The following PTPRD variants were observed in gnomAD, a reference collection of about 807,000 sequenced individuals.
PTPRD encodes receptor-type tyrosine-protein phosphatase delta.
PTPRD carries 34 observed loss-of-function variants against 214.5 expected under a neutral mutation model. The observed-to-expected ratio is 0.16, with a 90% confidence interval of 0.12 to 0.21. The LOEUF is 0.21. Ranked by LOEUF, PTPRD falls within the 10% of genes least tolerant of loss-of-function variation. PTPRD has a pLI of 1.00. For missense variants in PTPRD, 2,545 were observed against 2,398.7 expected, an observed-to-expected ratio of 1.06 and a Z score of -1.27; for synonymous variants, 1,128 against 845.7, an observed-to-expected ratio of 1.33 and a Z score of -5.79.
chr9:8,897,254 T>G (rs969715339), intron 11 of PTPRD, among the ~76,000 whole-genome samples: 1 of 152,168 alleles, frequency 6.6e-6, no homozygotes, highest in African/African-American at 2.4e-5. Flanking sequence ...TCAAGGTACA[T>G]GCAGACTGAC....
chr9:9,701,947 C>T (rs945258437), intron 7 of PTPRD, among the ~76,000 whole-genome samples: 3 of 151,942 alleles, frequency 2.0e-5, no homozygotes, highest in African/African-American at 4.8e-5. Context: ...GGTGAAACTC[C>T]GTCTCTACTA....
At chr9:9,499,641 C>T (rs527334765) in intron 8 of PTPRD, among the ~76,000 whole-genome samples, 2 of 152,122 alleles carry the variant, frequency 1.3e-5, no homozygotes, top group South Asian at 2.1e-4. Flanking sequence ...GGCAAACATT[C>T]TGTACACAGC....
intron 2 of PTPRD, among the ~76,000 whole-genome samples, chr9:10,587,747 C>A (rs1313951331): frequency 6.6e-6 from 1 of 152,078 alleles, no homozygotes; most frequent in African/African-American, 2.4e-5. Context: ...TAACAAGGTA[C>A]TCAAGATGCA....
rs145160910 is a variant in PTPRD at position 8,820,457 on chromosome 9, C to T, written c.-103-86511G>A. Among the ~76,000 whole-genome samples the T allele has an allele frequency of 7.4e-4, 113 of 152,086 alleles. 1 individual carries two copies. The highest frequency in any genetic ancestry group is 2.6e-3 in the African/African-American group (107 of 41,516). On this transcript the variant is annotated intron_variant, in intron 11 of 45. Transcript: ENST00000381196. ...ATTTATAATTTTAATAAAGCCTGAT[C>T]ATATTCATTAGTTAATTATAAAATG...
intron 2 of PTPRD, among the ~76,000 whole-genome samples, chr9:10,546,581 C>A (rs1054778561): frequency 6.6e-6 from 1 of 151,654 alleles, no homozygotes; most frequent in African/African-American, 2.4e-5. Context: ...ATTGTATAAA[C>A]AATTGGTACT....
chr9:10,458,982 G>A (rs2131185470), intron 2 of PTPRD, among the ~76,000 whole-genome samples: 1 of 152,152 alleles, frequency 6.6e-6, no homozygotes, highest in African/African-American at 2.4e-5. Context: ...CACGTTCCGT[G>A]GTGGTTTGCT....
At chr9:9,893,256 G>A (rs1208728703) in intron 5 of PTPRD, among the ~76,000 whole-genome samples, 2 of 151,152 alleles carry the variant, frequency 1.3e-5, no homozygotes, top group East Asian at 3.9e-4. Flanking sequence ...ATGAGGACAA[G>A]ATCAAATCTA....
At chr9:9,847,251 C>T (rs534940537) in intron 5 of PTPRD, among the ~76,000 whole-genome samples, 2 of 152,034 alleles carry the variant, frequency 1.3e-5, no homozygotes, top group Non-Finnish European at 2.9e-5. Context: ...AAAGTGATTA[C>T]TTTGTTATTT....
At chr9:9,199,051 G>C (rs1021076236) in intron 9 of PTPRD, among the ~76,000 whole-genome samples, 1 of 152,170 alleles carries the variant, frequency 6.6e-6, no homozygotes, top group Non-Finnish European at 1.5e-5. Flanking sequence ...AGCAGGTCAA[G>C]TGTTATCTAC....
intron 5 of PTPRD, among the ~76,000 whole-genome samples, chr9:9,909,836 C>T (rs1456396142): frequency 6.6e-6 from 1 of 151,194 alleles, no homozygotes; most frequent in South Asian, 2.1e-4. Flanking sequence ...TCTGTTTTTG[C>T]CTATAAGTTC....
At chr9:8,496,619 A>C (rs1171587310) in intron 26 of PTPRD, among the ~76,000 whole-genome samples, 1 of 152,232 alleles carries the variant, frequency 6.6e-6, no homozygotes, top group Non-Finnish European at 1.5e-5. Flanking sequence ...TGTATGGGTA[A>C]AGTGAAGAAC....
chr9:10,233,465 C>T lies in PTPRD; in HGVS notation c.-545+107498G>A, dbSNP rs139938345. Among the ~76,000 whole-genome samples the T allele has an allele frequency of 1.6e-3, 238 of 151,938 alleles. 2 individuals are homozygous for T. The highest frequency in any genetic ancestry group is 5.3e-3 in the African/African-American group (219 of 41,498). ...AATTCTCTGCCAAAATTTCAAAGTCCAACAGCTTGAGATCTCTGTCTCTTT... is the reference window on the plus strand; with the variant it reads ...AATTCTCTGCCAAAATTTCAAAGTCTAACAGCTTGAGATCTCTGTCTCTTT... On this transcript the variant is annotated intron_variant, in intron 3 of 45. Transcript: ENST00000381196.
At chr9:9,844,770 G>A (rs1565708446) in intron 5 of PTPRD, among the ~76,000 whole-genome samples, 1 of 151,586 alleles carries the variant, frequency 6.6e-6, no homozygotes, top group Non-Finnish European at 1.5e-5. Context: ...AAATCCAGGA[G>A]TTTTAGAATA....
chr9:10,361,045 T>G (rs1035044781), intron 2 of PTPRD, among the ~76,000 whole-genome samples: 1 of 152,108 alleles, frequency 6.6e-6, no homozygotes, highest in Non-Finnish European at 1.5e-5. Flanking sequence ...GAGCTTGTAG[T>G]GAGCCGAGAT....
At chr9:9,221,312 T>C (rs563938799) in intron 9 of PTPRD, among the ~76,000 whole-genome samples, 7 of 152,116 alleles carry the variant, frequency 4.6e-5, no homozygotes, top group Non-Finnish European at 1.0e-4. Flanking sequence ...AACTTGCTTC[T>C]GGTTACACTG....
intron 4 of PTPRD, among the ~76,000 whole-genome samples, chr9:10,010,155 A>T (rs12377049): frequency 0.075 from 11,394 of 151,920 alleles, 532 homozygotes; most frequent in East Asian, 0.14. Flanking sequence ...AAATTTAGGA[A>T]ATTAACTCAC....
intron 39 of PTPRD, among the ~76,000 whole-genome samples, chr9:8,353,938 A>ATG (rs1491491855): frequency 6.6e-4 from 3 of 4,542 alleles, no homozygotes; most frequent in Admixed American, 3.0e-3. Context: ...GTGTGTGTAC[A>ATG]TATATATATA....
intron 2 of PTPRD, among the ~76,000 whole-genome samples, chr9:10,565,679 C>T (rs1302585757): frequency 1.3e-5 from 2 of 152,058 alleles, no homozygotes; most frequent in African/African-American, 4.8e-5. Flanking sequence ...CTAACTTATA[C>T]CCAGTATAGC....
At chr9:10,312,324 T>G (rs1237175345) in intron 3 of PTPRD, among the ~76,000 whole-genome samples, 1 of 152,030 alleles carries the variant, frequency 6.6e-6, no homozygotes, top group Non-Finnish European at 1.5e-5. Flanking sequence ...CATTGATTTC[T>G]TAAAATATTG....
Sources: gnomAD v4.1 joint callset for allele counts (sites outside exome capture counted in the v4.1 genomes callset) on GRCh38, gnomAD v4.1.1 for gene constraint, MANE v1.5 for transcripts, NCBI Gene and HGNC (gene_info 2026-07-23, HGNC 2026-07-21) for gene names.